The following ARHGAP31 variants were observed in gnomAD, a reference collection of about 807,000 sequenced individuals.
The protein encoded by ARHGAP31 is rho GTPase-activating protein 31.
ARHGAP31 carries 34 observed loss-of-function variants against 113.9 expected under a neutral mutation model. That is an observed-to-expected ratio of 0.30 (90% CI 0.23 to 0.40). The LOEUF (loss-of-function observed/expected upper bound fraction) is 0.40. ARHGAP31 is among the 10% of genes least tolerant of loss of function. The pLI is 1.00. For missense variants in ARHGAP31, 1,548 were observed against 1,767.1 expected (o/e 0.88, Z 2.22); for synonymous variants, 650 against 684.8 (o/e 0.95, Z 0.79).
At chr3:119,337,581 G>T (rs1437969084) in intron 1 of ARHGAP31, among the ~76,000 whole-genome samples, 1 of 152,204 alleles carries the variant, frequency 6.6e-6, no homozygotes, top group African/African-American at 2.4e-5. Flanking sequence ...ACATCCTGCT[G>T]ATTGGTCCAT....
Position 119,415,885 on chromosome 3 carries a change from A to G in ARHGAP31, c.3956A>G (p.Asp1319Gly). The change falls in exon 12 of 12, where the codon GAC (aspartate) becomes GGC (glycine). Residue 1319 changes from aspartate to glycine, a missense_variant. Coordinates refer to ENST00000264245, the MANE Select transcript of ARHGAP31 (RefSeq NM_020754.4). Reference protein sequence around the residue: ...KRMSETEPSGDNLLSSKLERP... With the variant: ...KRMSETEPSGGNLLSSKLERP... ...ATGTCAGAGACAGAGCCATCTGGGG[A>G]CAACCTTCTTTCTTCAAAACTAGAG... 2 of 1,614,184 alleles carry G rather than the reference A, an allele frequency of 1.2e-6. No individual in the cohort carries two copies. The highest frequency in any genetic ancestry group is 1.7e-6 in the Non-Finnish European group (2 of 1,180,036).
At chr3:119,354,681 T>C (rs2080140679) in intron 1 of ARHGAP31, among the ~76,000 whole-genome samples, 1 of 141,808 alleles carries the variant, frequency 7.1e-6, no homozygotes, top group African/African-American at 2.6e-5. Flanking sequence ...CGGGCTAATT[T>C]TTTTTTTTTT....
rs1398832585 is a variant in ARHGAP31 at position 119,414,194 on chromosome 3, G to A, written c.2265G>A (p.Leu755=). Residue 755 remains leucine (L), a synonymous_variant, in exon 12 of 12, where the codon CTG becomes CTA. Coordinates refer to ENST00000264245, the MANE Select transcript of ARHGAP31 (RefSeq NM_020754.4). ...CAGACCTCGCCAGCCTGGCTCCTCT[G>A]GAAATAGTTCCTTTTGAGAAGGCAT... ...LHPDLASLAP[L]EIVPFEKASP... The A allele has an allele frequency of 1.2e-6, 2 of 1,614,144 alleles. No homozygotes were observed. The highest frequency in any genetic ancestry group is 2.2e-5 in the South Asian group (2 of 91,082).
Position 119,401,964 on chromosome 3 carries a change from T to C in ARHGAP31, c.1212T>C (p.Pro404=). Residue 404 remains proline (P), a synonymous_variant, in exon 10 of 12, where the codon CCT becomes CCC. Transcript: ENST00000264245. The part of the protein sequence containing the change: ...QEGEWGQEGM[P]PGAEGGFDVS... ...GCGAATGGGGCCAGGAGGGGATGCC[T>C]CCCGGGGCTGAGGGTGGCTTTGATG... 1 of 1,614,040 alleles carries C rather than the reference T, an allele frequency of 6.2e-7. No homozygotes were observed. The highest frequency in any genetic ancestry group is 8.5e-7 in the Non-Finnish European group (1 of 1,179,986).
rs1201052339 is a variant in ARHGAP31 at position 119,382,415 on chromosome 3, T to C, written c.539+16T>C. 6.2e-7 allele frequency: 1 copy of C among 1,609,730 alleles called. No individual in the cohort carries two copies. ...ACCTCCTCAGGTAACCACTCTACCC[T>C]CCCCTTGTCACCAGCCCAGGGGGCT... On this transcript the variant is annotated intron_variant, in intron 5 of 11. Transcript: ENST00000264245.
chr3:119,363,575 A>G (rs1028857283), intron 1 of ARHGAP31, among the ~76,000 whole-genome samples: 9 of 152,202 alleles, frequency 5.9e-5, no homozygotes, highest in Admixed American at 3.3e-4. Context: ...AAGTATGGTG[A>G]ACTTTATTGA....
intron 11 of ARHGAP31, among the ~76,000 whole-genome samples, chr3:119,410,539 G>C (rs2080706524): frequency 6.6e-6 from 1 of 152,168 alleles, no homozygotes; most frequent in South Asian, 2.1e-4. Context: ...GCCTCAGGAT[G>C]GCTGAGCTAG....
intron 8 of ARHGAP31, among the ~76,000 whole-genome samples, chr3:119,398,501 G>T (rs1201180158): frequency 6.6e-6 from 1 of 152,120 alleles, no homozygotes; most frequent in Non-Finnish European, 1.5e-5. Context: ...AAAAGAGATG[G>T]TGTTTGTGAA....
chr3:119,310,701 C>T (rs769007999), intron 1 of ARHGAP31, among the ~76,000 whole-genome samples: 4 of 152,190 alleles, frequency 2.6e-5, no homozygotes, highest in East Asian at 1.9e-4. Flanking sequence ...TTGTCTTCCA[C>T]GAAACTGGTC....
chr3:119,392,655 T>C (rs2080514933), intron 7 of ARHGAP31, among the ~76,000 whole-genome samples: 1 of 152,204 alleles, frequency 6.6e-6, no homozygotes, highest in Admixed American at 6.5e-5. Flanking sequence ...CGCAGCCTAG[T>C]GCTCCTCTTT....
At chr3:119,301,962 C>G (rs1247700158) in intron 1 of ARHGAP31, among the ~76,000 whole-genome samples, 1 of 152,210 alleles carries the variant, frequency 6.6e-6, no homozygotes, top group Non-Finnish European at 1.5e-5. Flanking sequence ...TCTAGTGGTT[C>G]CTTCAGACCA....
chr3:119,357,881 C>T (rs868082959), intron 1 of ARHGAP31, among the ~76,000 whole-genome samples: 12 of 152,332 alleles, frequency 7.9e-5, no homozygotes, highest in African/African-American at 2.6e-4. Flanking sequence ...CTTATAACAT[C>T]ACTCTTTATG....
chr3:119,324,950 G>T (rs1323054555), intron 1 of ARHGAP31: 2 of 456,680 alleles, frequency 4.4e-6, no homozygotes, highest in East Asian at 1.4e-4. Flanking sequence ...GTGAAAATGT[G>T]TCATTTGGGT....
Position 119,380,973 on chromosome 3 carries a change from C to T in ARHGAP31, c.418C>T (p.Pro140Ser). 6.2e-7 allele frequency: 1 copy of T among 1,614,060 alleles called. No homozygotes were observed. The highest frequency in any genetic ancestry group is 8.5e-7 in the Non-Finnish European group (1 of 1,179,932). The change falls in exon 4 of 12, where the codon CCA becomes TCA. Residue 140 changes from proline to serine, a missense_variant. Transcript: ENST00000264245. ...RIQNVIQELP[P>S]SHYRTLEYLI... ...CCAAAATGTTATCCAGGAGCTTCCT[C>T]CATCCCACTATAGGTAAGAATGGTT...
chr3:119,319,245 CTA>C (rs1214107762), intron 1 of ARHGAP31, among the ~76,000 whole-genome samples: 248 of 149,930 alleles, frequency 1.7e-3, no homozygotes, highest in African/African-American at 5.9e-3. Context: ...AAAAAAAACT[CTA>C]GAGTTTTTTT....
At chr3:119,387,168 C>T (rs367889992) in intron 6 of ARHGAP31, among the ~76,000 whole-genome samples, 2 of 152,274 alleles carry the variant, frequency 1.3e-5, no homozygotes, top group East Asian at 1.9e-4. Flanking sequence ...CTTTTGCTAC[C>T]GCTGGACCAC....
chr3:119,416,113 AC>A lies in ARHGAP31; in HGVS notation c.4185del (p.Asn1395LysfsTer15). 1.9e-6 allele frequency: 3 copies of A among 1,614,100 alleles called. No individual in the cohort carries two copies. The highest frequency in any genetic ancestry group is 2.5e-6 in the Non-Finnish European group (3 of 1,180,016). ...PGLLCGELAE[N>X]TWVTPEGVTL... ...CTTCTTTGTGGAGAGTTGGCAGAAA[AC>A]ACATGGGTCACACCAGAAGGGGTTA... On this transcript the variant is annotated frameshift_variant, in exon 12 of 12. Transcript: ENST00000264245. LOFTEE classifies it high-confidence loss of function.
At chr3:119,342,417 C>T (rs2080016575) in intron 1 of ARHGAP31, among the ~76,000 whole-genome samples, 1 of 152,180 alleles carries the variant, frequency 6.6e-6, no homozygotes, top group South Asian at 2.1e-4. Context: ...CCATTGGTTA[C>T]TCTTGCTTCA....
chr3:119,386,272 T>C (rs1315332039), intron 6 of ARHGAP31, among the ~76,000 whole-genome samples: 7 of 151,784 alleles, frequency 4.6e-5, no homozygotes, highest in Non-Finnish European at 7.4e-5. Context: ...ATAAAAAAAA[T>C]ACCATGAACT....
Sources: gnomAD v4.1 joint callset for allele counts (sites outside exome capture counted in the v4.1 genomes callset) on GRCh38, gnomAD v4.1.1 for gene constraint, MANE v1.5 for transcripts, NCBI Gene and HGNC (gene_info 2026-07-23, HGNC 2026-07-21) for gene names.